The following SMIM35 variants were observed in gnomAD, a reference collection of about 807,000 sequenced individuals.
SMIM35 encodes small integral membrane protein 35.
At chr11:118,029,587 T>G in intron 1 of SMIM35, 1 of 455,140 alleles carries the variant, frequency 2.2e-6, no homozygotes, top group Non-Finnish European at 4.4e-6. Context: ...TTACCCCCTG[T>G]CTGCTTCTTA....
chr11:118,052,292 G>A (rs756438505), intron 1 of SMIM35, among the ~76,000 whole-genome samples: 3 of 152,086 alleles, frequency 2.0e-5, no homozygotes, highest in Admixed American at 6.6e-5. Flanking sequence ...GACTCCAGGG[G>A]ACAAAAGAAG....
intron 1 of SMIM35, among the ~76,000 whole-genome samples, chr11:118,043,496 T>C (rs577601134): frequency 8.5e-4 from 129 of 152,208 alleles, no homozygotes; most frequent in Middle Eastern, 3.4e-3. Context: ...CCAGAAAATC[T>C]ATAGAGGAAA....
At chr11:118,022,515 G>C (rs1403875622) in intron 1 of SMIM35, among the ~76,000 whole-genome samples, 1 of 152,182 alleles carries the variant, frequency 6.6e-6, no homozygotes, top group African/African-American at 2.4e-5. Flanking sequence ...AACATCCTGG[G>C]TAAAAGAAGA....
chr11:118,059,910 A>G (rs900320345), intron 1 of SMIM35, among the ~76,000 whole-genome samples: 19 of 152,192 alleles, frequency 1.2e-4, no homozygotes, highest in Non-Finnish European at 2.6e-4. Flanking sequence ...CCTCCGTGAC[A>G]GGGAAGATAA....
chr11:118,036,892 C>T (rs775753577), intron 1 of SMIM35, among the ~76,000 whole-genome samples: 23 of 152,200 alleles, frequency 1.5e-4, no homozygotes, highest in Admixed American at 5.2e-4. Context: ...ATATCTCGAT[C>T]ATTGTCTCTT....
In SMIM35 at chr11:118,019,029, C is replaced by A. The variant is rs192786791; in HGVS notation, c.8-3220G>T. On this transcript the variant is annotated intron_variant, in intron 1 of 4. Transcript: ENST00000689828. The stretch of plus-strand genomic sequence containing the variant: ...GAGTAGTCCTCTCCTATCTCTCCCT[C>A]CAAGTAAATACCCTCCCAAATTTGG... Among the ~76,000 whole-genome samples, 48 of 152,290 alleles carry A rather than the reference C, an allele frequency of 3.2e-4. 1 individual carries two copies. The East Asian group carries it at 8.9e-3, about 28-fold the overall frequency.
At chr11:118,015,939 C>T (rs2058179363) in intron 1 of SMIM35, 130 bp from the exon 2 acceptor site, 2 of 397,744 alleles carry the variant, frequency 5.0e-6, no homozygotes, top group African/African-American at 2.1e-5. Context: ...TGCTCTGAGC[C>T]CAGTGATTCA....
chr11:118,043,275 A>C (rs1007089116), intron 1 of SMIM35, among the ~76,000 whole-genome samples: 3 of 88,678 alleles, frequency 3.4e-5, no homozygotes, highest in African/African-American at 7.6e-5. Flanking sequence ...TATTTGGTAA[A>C]ACATTTTTTT....
intron 1 of SMIM35, among the ~76,000 whole-genome samples, chr11:118,063,771 G>A (rs925981927): frequency 6.6e-6 from 1 of 152,242 alleles, no homozygotes; most frequent in East Asian, 1.9e-4. Flanking sequence ...AAAAAGGACA[G>A]GTAGCTGAAC....
At chr11:118,058,719 C>T (rs1490168003) in intron 1 of SMIM35, among the ~76,000 whole-genome samples, 1 of 152,144 alleles carries the variant, frequency 6.6e-6, no homozygotes, top group African/African-American at 2.4e-5. Context: ...GCGCAGAGCA[C>T]GTCCTGCCTC....
chr11:118,043,363 G>A (rs983497730), intron 1 of SMIM35, among the ~76,000 whole-genome samples: 7 of 151,560 alleles, frequency 4.6e-5, no homozygotes, highest in African/African-American at 7.3e-5. Context: ...CAGAATATTC[G>A]GTCATATAAA....
At chr11:118,037,783 G>T (rs1160961898) in intron 1 of SMIM35, among the ~76,000 whole-genome samples, 1 of 152,144 alleles carries the variant, frequency 6.6e-6, no homozygotes, top group African/African-American at 2.4e-5. Context: ...TACCTAGTCC[G>T]CCTAGTACTC....
intron 1 of SMIM35, among the ~76,000 whole-genome samples, chr11:118,068,757 C>T (rs563337224): frequency 2.8e-4 from 42 of 152,254 alleles, no homozygotes; most frequent in Middle Eastern, 3.4e-3. Context: ...GCGAGAAACC[C>T]GGGGTAGCGG....
chr11:118,063,625 G>A (rs574296473), intron 1 of SMIM35, among the ~76,000 whole-genome samples: 1 of 152,332 alleles, frequency 6.6e-6, no homozygotes, highest in East Asian at 1.9e-4. Flanking sequence ...AAAGCCCAAG[G>A]CAGGATTAGA....
intron 1 of SMIM35, among the ~76,000 whole-genome samples, chr11:118,034,067 A>C (rs1440530459): frequency 6.6e-6 from 1 of 152,058 alleles, no homozygotes; most frequent in African/African-American, 2.4e-5. Context: ...CAGGAGTTCA[A>C]GACCAGCCTG....
rs1591345275 is a variant in SMIM35 at position 118,085,218 on chromosome 11, T to TTCG, written c.7+1532_7+1533insCGA. On this transcript the variant is annotated intron_variant, in intron 1 of 4. Coordinates refer to ENST00000689828, the MANE Select transcript of SMIM35 (RefSeq NM_001394165.1). The stretch of plus-strand genomic sequence containing the variant: ...GTTCTACAGATGGAGGAGTCAGATC[T>TTCG]TCTTCTTCTTTTTTTTTTTTTTTGA... Among the ~76,000 whole-genome samples the TTCG allele has an allele frequency of 4.2e-5, 5 of 120,026 alleles. No individual in the cohort carries two copies. The East Asian group carries it at 1.0e-3, about 24-fold the overall frequency. The allele number at this position is 120,026 out of a possible 152,430, so 78.7% of individuals were successfully genotyped here. A position where few individuals can be genotyped will look rare whatever the true frequency, so the allele number is the denominator to read the frequency against.
At chr11:118,014,042 C>T (rs2058163732) in intron 3 of SMIM35, among the ~76,000 whole-genome samples, 162 bp from the exon 4 acceptor site, 1 of 152,170 alleles carries the variant, frequency 6.6e-6, no homozygotes. Flanking sequence ...GAGGTACAGC[C>T]CTGCCTGTGG....
chr11:118,078,388 G>A (rs1944860985), intron 1 of SMIM35, among the ~76,000 whole-genome samples: 1 of 152,002 alleles, frequency 6.6e-6, no homozygotes, highest in Non-Finnish European at 1.5e-5. Context: ...GGTGTGACCT[G>A]CAGGGGCCCC....
At chr11:118,034,045 A>C (rs1238557875) in intron 1 of SMIM35, among the ~76,000 whole-genome samples, 1 of 152,148 alleles carries the variant, frequency 6.6e-6, no homozygotes, top group African/African-American at 2.4e-5. Context: ...AGGCGGGCAG[A>C]TGACCTGAGG....
Sources: gnomAD v4.1 joint callset for allele counts (sites outside exome capture counted in the v4.1 genomes callset) on GRCh38, gnomAD v4.1.1 for gene constraint, MANE v1.5 for transcripts, NCBI Gene and HGNC (gene_info 2026-07-23, HGNC 2026-07-21) for gene names.